The following ZNF585B variants were observed in gnomAD, a reference collection of about 807,000 sequenced individuals.
The protein encoded by ZNF585B is zinc finger protein 585B.
Under a neutral mutation model 14.0 loss-of-function variants are expected in ZNF585B, and 7 were observed. The observed-to-expected ratio is 0.50, with a 90% CI of 0.28 to 0.94. The LOEUF is 0.94. ZNF585B is among the 40% of genes least tolerant of loss of function. The probability of loss-of-function intolerance (pLI) is 0.09; values close to 1 mark genes in which losing one functional copy is unlikely to be tolerated. For synonymous variants in ZNF585B, 290 were observed against 317.3 expected (o/e 0.91, Z 0.91); for missense variants, 750 against 924.4 (o/e 0.81, Z 2.45).
At chr19:37,193,517 C>T (rs1260139745) in intron 2 of ZNF585B, among the ~76,000 whole-genome samples, 3 of 151,102 alleles carry the variant, frequency 2.0e-5, no homozygotes, top group Non-Finnish European at 1.5e-5. Flanking sequence ...GGGGCTCACG[C>T]CTATAGTCAC....
chr19:37,195,627 A>C (rs1467235338), intron 2 of ZNF585B, among the ~76,000 whole-genome samples: 1 of 152,176 alleles, frequency 6.6e-6, no homozygotes, highest in Non-Finnish European at 1.5e-5. Flanking sequence ...TATTTAGATA[A>C]GATAAATAAT....
intron 2 of ZNF585B, among the ~76,000 whole-genome samples, chr19:37,192,609 G>C (rs1372655420): frequency 1.3e-5 from 2 of 151,700 alleles, no homozygotes; most frequent in Non-Finnish European, 2.9e-5. Context: ...TCAGGAGTTC[G>C]AGACCAGCCT....
chr19:37,193,771 C>A (rs965221153), intron 2 of ZNF585B, among the ~76,000 whole-genome samples: 21 of 152,082 alleles, frequency 1.4e-4, no homozygotes, highest in African/African-American at 4.8e-4. Flanking sequence ...CAGAGGGAGA[C>A]CCTGTCTCAA....
At position 37,184,502 on chromosome 19, in the gene ZNF585B, A is replaced by AAGAG. The variant is rs1213715796; in HGVS notation, c.*721_*724dup. On this transcript the variant is annotated 3_prime_UTR_variant, in exon 5 of 5. Coordinates refer to ENST00000532828, the MANE Select transcript of ZNF585B (RefSeq NM_152279.4). Reference sequence around the variant, plus strand: ...AAAGAAAGAAAGAAAGAAAGAAAGAAAGAGAAAGAAAGAAAGAAAAAGAAA... The same window carrying AAGAG: ...AAAGAAAGAAAGAAAGAAAGAAAGAAAGAGAGAGAAAGAAAGAAAGAAAAAGAAA... 2.2e-5 allele frequency: 3 copies of AAGAG among 139,502 alleles called. No homozygotes were observed. The highest frequency in any genetic ancestry group is 5.3e-5 in the African/African-American group (2 of 37,758). The allele number at this position is 139,502 out of a possible 1,614,324, so 8.6% of individuals were successfully genotyped here.
intron 2 of ZNF585B, among the ~76,000 whole-genome samples, chr19:37,195,214 C>T (rs1279363533): frequency 1.3e-5 from 2 of 151,450 alleles, no homozygotes; most frequent in African/African-American, 4.9e-5. Context: ...GGCGTGGTGG[C>T]ACGCACCTGT....
chr19:37,188,304 T>C (rs141502034), intron 4 of ZNF585B, among the ~76,000 whole-genome samples: 61 of 151,956 alleles, frequency 4.0e-4, no homozygotes, highest in African/African-American at 1.4e-3. Context: ...CTGACCAACA[T>C]GGAGAAACCC....
At chr19:37,191,489 G>T (rs189385368) in intron 2 of ZNF585B, among the ~76,000 whole-genome samples, 11 of 152,036 alleles carry the variant, frequency 7.2e-5, no homozygotes, top group African/African-American at 1.9e-4. Flanking sequence ...CTGGTGGCAC[G>T]TGCCTGTAGT....
At chr19:37,204,775 C>G (rs1356806651) in intron 2 of ZNF585B, among the ~76,000 whole-genome samples, 1 of 150,232 alleles carries the variant, frequency 6.7e-6, no homozygotes, top group Non-Finnish European at 1.5e-5. Flanking sequence ...GAGACAGAGG[C>G]TCACTCTGTC....
At chr19:37,201,554 G>C (rs1384938326) in intron 2 of ZNF585B, among the ~76,000 whole-genome samples, 1 of 152,060 alleles carries the variant, frequency 6.6e-6, no homozygotes, top group African/African-American at 2.4e-5. Context: ...TGTTTACACA[G>C]TGCCGGTGTA....
Position 37,184,477 on chromosome 19 carries a change from AAAGAAAGAAAGAAAG to A in ZNF585B, c.*735_*749del, listed in dbSNP as rs1972305430. 1.7e-5 allele frequency: 2 copies of A among 120,518 alleles called. No homozygotes were observed. The highest frequency in any genetic ancestry group is 3.3e-5 in the African/African-American group (1 of 30,650). 7.5% of individuals were successfully genotyped at this position (120,518 alleles called of 1,614,324 possible). ...GAAAGAAAGAAAGAAAGAAAGAAAG[AAAGAAAGAAAGAAAG>A]AAAGAAAGAAAGAGAAAGAAAGAAA... On this transcript the variant is annotated 3_prime_UTR_variant, in exon 5 of 5. Coordinates refer to ENST00000532828, the MANE Select transcript of ZNF585B (RefSeq NM_152279.4).
chr19:37,203,712 T>C (rs1972558381), intron 2 of ZNF585B, among the ~76,000 whole-genome samples: 1 of 152,170 alleles, frequency 6.6e-6, no homozygotes. Context: ...CACCGAAACC[T>C]CCACCTCCCG....
At chr19:37,187,976 T>C (rs1972357831) in intron 4 of ZNF585B, among the ~76,000 whole-genome samples, 1 of 152,156 alleles carries the variant, frequency 6.6e-6, no homozygotes, top group Non-Finnish European at 1.5e-5. Context: ...ACTTTAAATT[T>C]TACAACATGC....
At position 37,186,005 on chromosome 19, in the gene ZNF585B, G is replaced by A; in HGVS notation, c.1532C>T (p.Thr511Ile). 18 of 1,613,964 alleles carry A rather than the reference G, an allele frequency of 1.1e-5. No homozygotes were observed. Among genetic ancestry groups the A allele is most frequent in the Non-Finnish European group, 1.4e-5 (17 of 1,179,990 alleles). ...CTCCCCAGTATGGATTCTCTGATGT[G>A]TAATCAAGTCTGACCTCTGGGTGAA... Reference protein sequence around the residue: ...KAFTQRSDLITHQRIHTGEKP... With the variant: ...KAFTQRSDLIIHQRIHTGEKP... Residue 511 changes from threonine (T) to isoleucine (I), a missense_variant, in exon 5 of 5, where the codon ACA becomes ATA. Thr to Ile is a moderately conservative substitution (Grantham distance 89). Around this residue, in one of 2 missense-constraint regions of ZNF585B, gnomAD observed 233 missense variants for 354.1 expected, o/e 0.66. Transcript: ENST00000532828.
Position 37,190,033 on chromosome 19 carries a change from G to A in ZNF585B, c.190C>T (p.Leu64Phe). 2 of 1,614,090 alleles carry A rather than the reference G, an allele frequency of 1.2e-6. No homozygotes were observed. Among genetic ancestry groups the A allele is most frequent in the Non-Finnish European group, 8.5e-7 (1 of 1,180,020 alleles). The change falls in exon 3 of 5, where the codon CTC (leucine) becomes TTC (phenylalanine). Residue 64 changes from leucine (L) to phenylalanine (F), a missense_variant. This residue lies in a region of ZNF585B where 517 missense variants were observed against 570.3 expected (regional missense o/e 0.91). Transcript: ENST00000532828. ...DVMLETYSHL[L>F]SVGYQVPKPE... ...AGGTGACTGTGCTTACCTACTGAGA[G>A]CAGGTGGCTGTAGGTCTCCAGCATC...
At chr19:37,190,715 G>A (rs1296585063) in intron 2 of ZNF585B, among the ~76,000 whole-genome samples, 4 of 151,466 alleles carry the variant, frequency 2.6e-5, no homozygotes, top group African/African-American at 9.7e-5. Context: ...ACAGGTATGT[G>A]CCACCATACC....
chr19:37,191,474 C>T (rs1972399360), intron 2 of ZNF585B, among the ~76,000 whole-genome samples: 1 of 151,952 alleles, frequency 6.6e-6, no homozygotes, highest in African/African-American at 2.4e-5. Context: ...AAAAAATTAG[C>T]CAGGCTGGTG....
At chr19:37,198,237 T>A (rs529095702) in intron 2 of ZNF585B, among the ~76,000 whole-genome samples, 17 of 152,212 alleles carry the variant, frequency 1.1e-4, no homozygotes, top group African/African-American at 3.8e-4. Flanking sequence ...AATGGCGTGA[T>A]CTTGGCTTAC....
In ZNF585B at chr19:37,182,446, C is replaced by T. The variant is rs1296857161; in HGVS notation, c.*2781G>A. ...CTAAGTTGGGGATAATGTTGTATCA[C>T]AAAATATCCAAAACTGAAGGAAGAA... On this transcript the variant is annotated 3_prime_UTR_variant, in exon 5 of 5. Coordinates refer to ENST00000532828, the MANE Select transcript of ZNF585B (RefSeq NM_152279.4). The T allele has an allele frequency of 6.6e-6, 1 of 152,088 alleles. No homozygotes were observed. Among genetic ancestry groups the T allele is most frequent in the African/African-American group, 2.4e-5 (1 of 41,420 alleles). 9.4% of individuals were successfully genotyped at this position (152,088 alleles called of 1,614,324 possible).
chr19:37,192,819 TAAAC>T (rs1972417340), intron 2 of ZNF585B, among the ~76,000 whole-genome samples: 1 of 135,272 alleles, frequency 7.4e-6, no homozygotes, highest in Admixed American at 7.5e-5. Flanking sequence ...CAAAAATAAA[TAAAC>T]AAATAAATAA....
Sources: allele counts gnomAD v4.1 joint callset (sites outside exome capture counted in the v4.1 genomes callset), GRCh38; gene constraint gnomAD v4.1.1; regional missense constraint gnomAD v4.1.1; transcripts MANE v1.5; gene names NCBI Gene and HGNC (gene_info 2026-07-23, HGNC 2026-07-21).